TEX9: variants seen among roughly 807,000 people sequenced by gnomAD.
The protein encoded by TEX9 is testis expressed 9.
A neutral mutation model predicts 59.6 loss-of-function variants in TEX9; 74 were observed. The observed-to-expected ratio is 1.24, with a 90% confidence interval of 1.03 to 1.51. The LOEUF (loss-of-function observed/expected upper bound fraction) is 1.51. Among genes scored for constraint, TEX9 ranks in the 40% most tolerant of loss-of-function variants. The pLI, the probability that TEX9 is intolerant of heterozygous loss-of-function variation, is 0.00. For missense variants in TEX9, 522 were observed against 447.8 expected, an observed-to-expected ratio of 1.17 and a Z score of -1.49; for synonymous variants, 186 against 152.2, an observed-to-expected ratio of 1.22 and a Z score of -1.64.
chr15:56,392,165 G>A (rs1390131631), intron 7 of TEX9, among the ~76,000 whole-genome samples: 1 of 152,144 alleles, frequency 6.6e-6, no homozygotes, highest in African/African-American at 2.4e-5. Flanking sequence ...TGTATTAGAT[G>A]ATCATTAAGT....
chr15:56,413,281 TAA>T, intron 10 of TEX9, among the ~76,000 whole-genome samples: 1 of 576 alleles, frequency 1.7e-3, no homozygotes, highest in African/African-American at 3.1e-3. Flanking sequence ...AATAATTAAA[TAA>T]TTTAATAATA....
chr15:56,439,684 G>A (rs2050785782), intron 12 of TEX9, among the ~76,000 whole-genome samples: 1 of 151,014 alleles, frequency 6.6e-6, no homozygotes, highest in Admixed American at 6.6e-5. Flanking sequence ...CTGTATTTAA[G>A]TCTCATCGTT....
intron 9 of TEX9, among the ~76,000 whole-genome samples, chr15:56,404,896 A>G (rs1047804626): frequency 2.6e-5 from 4 of 152,178 alleles, no homozygotes; most frequent in Admixed American, 6.5e-5. Context: ...AAAACCAAAC[A>G]CCGCATGTTC....
chr15:56,277,025 T>C (rs1369306165), intron 1 of TEX9, among the ~76,000 whole-genome samples: 1 of 152,244 alleles, frequency 6.6e-6, no homozygotes, highest in Non-Finnish European at 1.5e-5. Flanking sequence ...TGTTTTTTTT[T>C]TCTTGTAAAT....
chr15:56,404,492 T>C (rs574220774), intron 9 of TEX9, among the ~76,000 whole-genome samples: 35 of 152,192 alleles, frequency 2.3e-4, no homozygotes, highest in African/African-American at 7.9e-4. Context: ...CAACAGATGG[T>C]GGAGAGGATG....
chr15:56,301,827 G>A (rs1466884122), intron 1 of TEX9, among the ~76,000 whole-genome samples: 1 of 152,160 alleles, frequency 6.6e-6, no homozygotes, highest in African/African-American at 2.4e-5. Context: ...AAGGACATTA[G>A]TGAGCAATAA....
At chr15:56,328,614 A>G (rs1168855232) in intron 1 of TEX9, among the ~76,000 whole-genome samples, 1 of 152,180 alleles carries the variant, frequency 6.6e-6, no homozygotes, top group African/African-American at 2.4e-5. Flanking sequence ...GAGCCCTTGG[A>G]CTTAAAGTGA....
intron 3 of TEX9, among the ~76,000 whole-genome samples, chr15:56,378,221 T>TA (rs1382848760): frequency 6.6e-6 from 1 of 152,196 alleles, no homozygotes; most frequent in African/African-American, 2.4e-5. Context: ...TTCAGGGTAA[T>TA]ACTAGCCTCA....
chr15:56,272,935 T>A (rs1567069480), intron 1 of TEX9, among the ~76,000 whole-genome samples: 1 of 132,660 alleles, frequency 7.5e-6, no homozygotes, highest in Non-Finnish European at 1.6e-5. Context: ...TATTTATTTA[T>A]TTATTTTTTT....
chr15:56,325,926 C>T (rs183623294), intron 1 of TEX9, among the ~76,000 whole-genome samples: 234 of 152,202 alleles, frequency 1.5e-3, no homozygotes, highest in African/African-American at 5.5e-3. Context: ...TCAATGATTC[C>T]TTCACTCATG....
chr15:56,260,063 A>G (rs1320087719), intron 1 of TEX9, among the ~76,000 whole-genome samples: 1 of 152,134 alleles, frequency 6.6e-6, no homozygotes, highest in African/African-American at 2.4e-5. Context: ...TTGCAAACAC[A>G]TACAAATACA....
intron 9 of TEX9, among the ~76,000 whole-genome samples, chr15:56,401,389 A>G (rs1276879708): frequency 6.6e-6 from 1 of 151,988 alleles, no homozygotes; most frequent in Non-Finnish European, 1.5e-5. Context: ...AAAGATCAAA[A>G]GAGAAAAGGC....
intron 3 of TEX9, among the ~76,000 whole-genome samples, chr15:56,376,147 A>G (rs1219601121): frequency 6.6e-6 from 1 of 151,134 alleles, no homozygotes; most frequent in Non-Finnish European, 1.5e-5. Context: ...GGTGCAGCAC[A>G]CCAGCATGGC....
chr15:56,281,805 T>C (rs576956023), intron 1 of TEX9, among the ~76,000 whole-genome samples: 8 of 152,226 alleles, frequency 5.3e-5, no homozygotes, highest in Non-Finnish European at 1.2e-4. Flanking sequence ...ATTATTATGC[T>C]TTATAGCTCT....
At chr15:56,419,829 G>A (rs1306936037) in intron 10 of TEX9, among the ~76,000 whole-genome samples, 1 of 151,828 alleles carries the variant, frequency 6.6e-6, no homozygotes, top group Non-Finnish European at 1.5e-5. Context: ...TTTCAGATAA[G>A]TTTTTGTAGG....
intron 1 of TEX9, among the ~76,000 whole-genome samples, chr15:56,338,724 A>G (rs2046306385): frequency 6.6e-6 from 1 of 150,980 alleles, no homozygotes; most frequent in Admixed American, 6.6e-5. Context: ...TGAGACCAGT[A>G]TGGCCAACAT....
intron 10 of TEX9, among the ~76,000 whole-genome samples, chr15:56,416,250 T>G (rs1238071644): frequency 4.6e-5 from 7 of 151,876 alleles, no homozygotes; most frequent in Non-Finnish European, 8.8e-5. Context: ...CTTCCAATAC[T>G]ATGTTGAATA....
chr15:56,296,436 G>T (rs1304800136), intron 1 of TEX9, among the ~76,000 whole-genome samples: 1 of 152,106 alleles, frequency 6.6e-6, no homozygotes, highest in African/African-American at 2.4e-5. Context: ...TAAAGCTAGG[G>T]CATTAAAATT....
chr15:56,254,229 A>C (rs976495498), intron 1 of TEX9, among the ~76,000 whole-genome samples: 3 of 152,064 alleles, frequency 2.0e-5, no homozygotes, highest in African/African-American at 7.2e-5. Flanking sequence ...TTAGAAAAAC[A>C]TACTAGAGCA....
Sources: gnomAD v4.1 joint callset for allele counts (sites outside exome capture counted in the v4.1 genomes callset) on GRCh38, gnomAD v4.1.1 for gene constraint, MANE v1.5 for transcripts, NCBI Gene and HGNC (gene_info 2026-07-23, HGNC 2026-07-21) for gene names.